The following TSTD2 variants were observed in gnomAD, a reference collection of about 807,000 sequenced individuals.
TSTD2 encodes the protein thiosulfate sulfurtransferase/rhodanese-like domain-containing protein 2.
Under a neutral mutation model 47.9 loss-of-function variants are expected in TSTD2, and 37 were observed. The observed-to-expected ratio is 0.77, with a 90% confidence interval of 0.59 to 1.02. The LOEUF (loss-of-function observed/expected upper bound fraction) is 1.02, where lower values mean the gene tolerates loss of function less well. Among genes scored for constraint, TSTD2 ranks in the 50% least tolerant of loss-of-function variants. The pLI, the probability that TSTD2 is intolerant of heterozygous loss-of-function variation, is 0.00. For synonymous variants in TSTD2, 201 were observed against 215.9 expected, an observed-to-expected ratio of 0.93 and a Z score of 0.61; for missense variants, 586 against 616.0, an observed-to-expected ratio of 0.95 and a Z score of 0.52.
At chr9:97,629,996 C>T (rs56060429) in intron 1 of TSTD2, among the ~76,000 whole-genome samples, 17,968 of 152,152 alleles carry the variant, frequency 0.12, 3,015 homozygotes, top group African/African-American at 0.37. Flanking sequence ...TACTTTTTCA[C>T]TTCTTTCCCT....
At chr9:97,622,324 G>C (rs1158286146) in intron 3 of TSTD2, among the ~76,000 whole-genome samples, 1 of 152,232 alleles carries the variant, frequency 6.6e-6, no homozygotes, top group African/African-American at 2.4e-5. Flanking sequence ...TTGAGCCTGT[G>C]AGTGCATAGA....
At position 97,600,742 on chromosome 9, in the gene TSTD2, T is replaced by C. The variant is rs1345265827; in HGVS notation, c.*1727A>G. 2.0e-6 allele frequency: 2 copies of C among 1,006,318 alleles called. No individual in the cohort carries two copies. The highest frequency in any genetic ancestry group is 1.2e-6 in the Non-Finnish European group (1 of 842,560). The allele number at this position is 1,006,318 out of a possible 1,614,324, so 62.3% of individuals were successfully genotyped here. A position where few individuals can be genotyped will look rare whatever the true frequency, so the allele number is the denominator to read the frequency against. On this transcript the variant is annotated 3_prime_UTR_variant, in exon 10 of 10. Transcript: ENST00000341170. ...TGAAGAAACTCCAGATATCAAGGAA[T>C]TGGGAAATCCTGGCCAAACCACCCC...
intron 3 of TSTD2, among the ~76,000 whole-genome samples, chr9:97,621,332 TTG>T (rs1233130603): frequency 2.0e-5 from 3 of 152,060 alleles, no homozygotes; most frequent in Non-Finnish European, 4.4e-5. Flanking sequence ...CCTGTGATGA[TTG>T]TGTTAATTGC....
intron 1 of TSTD2, among the ~76,000 whole-genome samples, chr9:97,630,391 T>G (rs1319250297): frequency 6.6e-6 from 1 of 152,238 alleles, no homozygotes; most frequent in African/African-American, 2.4e-5. Context: ...GCCCATGGAA[T>G]AGTCCTGGGA....
At chr9:97,621,107 A>G (rs886711806) in intron 3 of TSTD2, among the ~76,000 whole-genome samples, 1 of 152,242 alleles carries the variant, frequency 6.6e-6, no homozygotes, top group Non-Finnish European at 1.5e-5. Flanking sequence ...GCAGAAGAAC[A>G]TAAGTTGTGA....
At position 97,625,888 on chromosome 9, in the gene TSTD2, A is replaced by G. The variant is rs761083665; in HGVS notation, c.275T>C (p.Ile92Thr). ...ATGTTGTGTTGCCACATGTCTATGGATGCTGGTTTGGTCTGTGAATAGCTG... is the reference window on the plus strand; with the variant it reads ...ATGTTGTGTTGCCACATGTCTATGGGTGCTGGTTTGGTCTGTGAATAGCTG... ...CRQLFTDQTSIHRHVATQHAD... is the reference protein window; with the variant it reads ...CRQLFTDQTSTHRHVATQHAD... The change falls in exon 3 of 10, where the codon ATC (isoleucine) becomes ACC (threonine). Residue 92 changes from isoleucine to threonine, a missense_variant. Coordinates refer to ENST00000341170, the MANE Select transcript of TSTD2 (RefSeq NM_139246.5). The G allele has an allele frequency of 1.3e-5, 21 of 1,614,062 alleles. No homozygotes were observed. Among genetic ancestry groups the G allele is most frequent in the Admixed American group, 5.0e-5 (3 of 60,010 alleles).
rs1018995407 is a variant in TSTD2 at position 97,628,396 on chromosome 9, G to C, written c.-50-784C>G. Among the ~76,000 whole-genome samples the C allele has an allele frequency of 2.6e-5, 4 of 152,228 alleles. No homozygotes were observed. In the East Asian group the frequency reaches 5.8e-4, roughly 22 times the overall value. On this transcript the variant is annotated intron_variant, in intron 1 of 9. Transcript: ENST00000341170. Reference sequence around the variant, plus strand: ...AGCAGTTTGCCAAGCATGTGAACATGGGCAAGCTACTTAAGGTTTCTGAGT... The same window carrying C: ...AGCAGTTTGCCAAGCATGTGAACATCGGCAAGCTACTTAAGGTTTCTGAGT...
At chr9:97,631,033 C>T (rs1488578285) in intron 1 of TSTD2, among the ~76,000 whole-genome samples, 1 of 152,170 alleles carries the variant, frequency 6.6e-6, no homozygotes, top group Non-Finnish European at 1.5e-5. Context: ...GAGTAAAAGA[C>T]AATTTTATTC....
chr9:97,605,077 A>C (rs1012121564), intron 8 of TSTD2, among the ~76,000 whole-genome samples: 2 of 152,028 alleles, frequency 1.3e-5, no homozygotes, highest in African/African-American at 4.8e-5. Context: ...TCCTAGGGGG[A>C]TGGGTGATGA....
rs1320961250 is a variant in TSTD2, at chr9:97,601,689, C to G, written c.*780G>C. 1 of 579,902 alleles carries G rather than the reference C, an allele frequency of 1.7e-6. No individual in the cohort carries two copies. The highest frequency in any genetic ancestry group is 2.0e-5 in the African/African-American group (1 of 49,766). 35.9% of individuals were successfully genotyped at this position (579,902 alleles called of 1,614,324 possible). A position where few individuals can be genotyped will look rare whatever the true frequency, so the allele number is the denominator to read the frequency against. ...GCAACTATTCAACTCTGCCATAGAT[C>G]ATGTGTAAAGGAATGGGTGTGGCTG... On this transcript the variant is annotated 3_prime_UTR_variant, in exon 10 of 10. Coordinates refer to ENST00000341170, the MANE Select transcript of TSTD2 (RefSeq NM_139246.5).
At chr9:97,603,682 T>G (rs1189458651) in intron 9 of TSTD2, among the ~76,000 whole-genome samples, 1 of 152,168 alleles carries the variant, frequency 6.6e-6, no homozygotes, top group Non-Finnish European at 1.5e-5. Flanking sequence ...GGTAGTCTGG[T>G]GAAGACTATA....
intron 1 of TSTD2, among the ~76,000 whole-genome samples, 159 bp from the exon 2 acceptor site, chr9:97,627,771 G>C (rs1461884890): frequency 6.6e-6 from 1 of 152,192 alleles, no homozygotes; most frequent in Non-Finnish European, 1.5e-5. Context: ...ACGACTCGAA[G>C]TCAAGCACTA....
intron 1 of TSTD2, among the ~76,000 whole-genome samples, chr9:97,629,273 C>T (rs183949891): frequency 6.6e-6 from 1 of 152,306 alleles, no homozygotes. Flanking sequence ...TGGGGGAACA[C>T]ACACTGCTTG....
chr9:97,626,498 C>T (rs1341303652), intron 2 of TSTD2, among the ~76,000 whole-genome samples: 1 of 152,038 alleles, frequency 6.6e-6, no homozygotes, highest in African/African-American at 2.4e-5. Context: ...TTGAAAAAGA[C>T]CAGGAAGAAA....
At chr9:97,611,504 C>T in intron 5 of TSTD2, 70 bp downstream of exon 5, 1 of 1,491,752 alleles carries the variant, frequency 6.7e-7, no homozygotes, top group South Asian at 1.3e-5. Context: ...ACTTTGAACT[C>T]CTCTTCAATA....
chr9:97,632,434 C>T (rs371942584), intron 1 of TSTD2, among the ~76,000 whole-genome samples: 1 of 151,848 alleles, frequency 6.6e-6, no homozygotes, highest in South Asian at 2.1e-4. Context: ...GTGCAGTGTG[C>T]GATCACCGCT....
intron 4 of TSTD2, among the ~76,000 whole-genome samples, chr9:97,615,114 C>T (rs1241657397): frequency 1.8e-4 from 27 of 152,176 alleles, no homozygotes. Flanking sequence ...AAAGAGAAGA[C>T]AAGCACATCT....
intron 1 of TSTD2, among the ~76,000 whole-genome samples, chr9:97,633,028 C>T (rs1293114791): frequency 6.6e-6 from 1 of 152,270 alleles, no homozygotes; most frequent in Non-Finnish European, 1.5e-5. Context: ...ATCATTTGTT[C>T]CTTCCTAAGC....
intron 1 of TSTD2, among the ~76,000 whole-genome samples, chr9:97,627,970 CAG>C (rs2131318538): frequency 6.6e-6 from 1 of 152,248 alleles, no homozygotes; most frequent in East Asian, 1.9e-4. Flanking sequence ...CCTTCGAACA[CAG>C]AGAGTAGGAA....
Sources: gnomAD v4.1 joint callset for allele counts (sites outside exome capture counted in the v4.1 genomes callset) on GRCh38, gnomAD v4.1.1 for gene constraint, MANE v1.5 for transcripts, NCBI Gene and HGNC (gene_info 2026-07-23, HGNC 2026-07-21) for gene names.